Variants in ITPR2 observed in about 807,000 individuals in gnomAD.
The protein encoded by ITPR2 is inositol 1,4,5-trisphosphate receptor type 2, also known as inositol 1,4,5-trisphosphate-gated calcium channel ITPR2.
Under a neutral mutation model 317.1 loss-of-function variants are expected in ITPR2, and 207 were observed. The ratio of observed to expected loss-of-function variants is 0.65; its 90% CI spans 0.58 to 0.73. The LOEUF is 0.73. ITPR2 is among the 30% of genes least tolerant of loss of function. The pLI, the probability that ITPR2 is intolerant of heterozygous loss-of-function variation, is 0.00. For missense variants in ITPR2, 2,613 were observed against 3,284.0 expected, an observed-to-expected ratio of 0.80 and a Z score of 4.99; for synonymous variants, 1,156 against 1,149.1, an observed-to-expected ratio of 1.01 and a Z score of -0.12.
At chr12:26,622,435 C>CTCCT in intron 24 of ITPR2, 30 bp from the exon 25 acceptor site, 1 of 1,537,258 alleles carries the variant, frequency 6.5e-7, no homozygotes, top group Non-Finnish European at 8.8e-7. Flanking sequence ...TCTAAAGTGA[C>CTCCT]TCCTATTTAT....
At chr12:26,668,618 T>A (rs548786609) in intron 13 of ITPR2, among the ~76,000 whole-genome samples, 3 of 152,296 alleles carry the variant, frequency 2.0e-5, no homozygotes, top group East Asian at 3.9e-4. Context: ...AAGCTGACAT[T>A]GAGGAAGATA....
At chr12:26,751,227 C>T (rs926944300) in intron 2 of ITPR2, among the ~76,000 whole-genome samples, 2 of 152,050 alleles carry the variant, frequency 1.3e-5, no homozygotes, top group Admixed American at 6.6e-5. Flanking sequence ...AAGTGTGTAT[C>T]GATTATGCTT....
intron 1 of ITPR2, among the ~76,000 whole-genome samples, chr12:26,802,462 A>C (rs1950571755): frequency 6.6e-6 from 1 of 152,006 alleles, no homozygotes. Context: ...AGCCTGGGCC[A>C]CATAGTGAGA....
chr12:26,719,873 T>C (rs930540117), intron 5 of ITPR2, among the ~76,000 whole-genome samples: 1 of 152,188 alleles, frequency 6.6e-6, no homozygotes, highest in African/African-American at 2.4e-5. Flanking sequence ...TTAAAGAATA[T>C]CTGACCTTTA....
chr12:26,497,047 T>C (rs1942949112), intron 37 of ITPR2, among the ~76,000 whole-genome samples: 5 of 123,770 alleles, frequency 4.0e-5, no homozygotes. Context: ...TGATTTGAAA[T>C]GTCAAATGAC....
At chr12:26,369,672 A>G (rs1939125291) in intron 55 of ITPR2, among the ~76,000 whole-genome samples, 2 of 151,942 alleles carry the variant, frequency 1.3e-5, no homozygotes, top group South Asian at 4.2e-4. Flanking sequence ...AGATTCTAAA[A>G]CCCCTGGAGT....
chr12:26,753,972 G>A (rs369799384), intron 2 of ITPR2, among the ~76,000 whole-genome samples: 16 of 152,102 alleles, frequency 1.1e-4, no homozygotes, highest in African/African-American at 3.9e-4. Context: ...CAAGCTTAGG[G>A]GATAAGTCCT....
At chr12:26,577,885 T>C (rs1945313084) in intron 34 of ITPR2, among the ~76,000 whole-genome samples, 1 of 152,230 alleles carries the variant, frequency 6.6e-6, no homozygotes. Flanking sequence ...TAAAACTCTC[T>C]GTTTTCTTAA....
intron 37 of ITPR2, among the ~76,000 whole-genome samples, chr12:26,542,988 T>C (rs766616476): frequency 7.2e-5 from 11 of 152,222 alleles, no homozygotes; most frequent in Non-Finnish European, 1.5e-4. Context: ...ATACTTAGGA[T>C]TGGAGTTGAC....
chr12:26,628,462 C>T (rs374562410), intron 22 of ITPR2, among the ~76,000 whole-genome samples: 5 of 152,290 alleles, frequency 3.3e-5, no homozygotes, highest in South Asian at 2.1e-4. Flanking sequence ...GTAATGATGA[C>T]GTCATTTTAC....
chr12:26,768,584 A>AC (rs367890941), intron 2 of ITPR2, among the ~76,000 whole-genome samples: 29,158 of 113,872 alleles, frequency 0.26, 3,874 homozygotes, highest in Non-Finnish European at 0.4. Context: ...AAAAAAAAAA[A>AC]AAAAAAAAAA....
chr12:26,396,921 A>G (rs1940017866), intron 54 of ITPR2, among the ~76,000 whole-genome samples: 1 of 152,132 alleles, frequency 6.6e-6, no homozygotes, highest in Non-Finnish European at 1.5e-5. Context: ...TAAAGATTTT[A>G]TCTCCTAAAT....
intron 1 of ITPR2, among the ~76,000 whole-genome samples, chr12:26,803,863 G>A (rs887164334): frequency 6.6e-6 from 1 of 151,930 alleles, no homozygotes; most frequent in African/African-American, 2.4e-5. Flanking sequence ...GAAAAACCTC[G>A]GGCAACTGTA....
rs994558061 is a variant in ITPR2, at chr12:26,832,789, C to T, written c.-8G>A. On this transcript the variant is annotated 5_prime_UTR_variant, in exon 1 of 57. The change abolishes an upstream ATG in the 5' untranslated region. Coordinates refer to ENST00000381340, the MANE Select transcript of ITPR2 (RefSeq NM_002223.4). ...GGACATTTTCTCAGTCATGCTGCTT[C>T]ATGTTCCACAGTGGACGTCCCTCTT... 12 of 1,593,772 alleles carry T rather than the reference C, an allele frequency of 7.5e-6. No individual in the cohort carries two copies. Among genetic ancestry groups the T allele is most frequent in the African/African-American group, 1.4e-5 (1 of 72,720 alleles).
intron 24 of ITPR2, among the ~76,000 whole-genome samples, chr12:26,623,939 G>C (rs1466625552): frequency 6.6e-6 from 1 of 152,074 alleles, no homozygotes; most frequent in African/African-American, 2.4e-5. Flanking sequence ...TTACTTTCTT[G>C]CCTCAAATAT....
At chr12:26,621,854 T>C (rs557774808) in intron 25 of ITPR2, among the ~76,000 whole-genome samples, 1 of 152,312 alleles carries the variant, frequency 6.6e-6, no homozygotes, top group Admixed American at 6.5e-5. Flanking sequence ...AACAGTTCGT[T>C]TTTTTGGATT....
intron 55 of ITPR2, among the ~76,000 whole-genome samples, chr12:26,378,024 T>C (rs1297519626): frequency 1.3e-5 from 2 of 152,084 alleles, no homozygotes; most frequent in Non-Finnish European, 2.9e-5. Flanking sequence ...TGGCTCTATA[T>C]CTTATTTATT....
At chr12:26,804,194 T>C (rs1950604505) in intron 1 of ITPR2, among the ~76,000 whole-genome samples, 1 of 152,108 alleles carries the variant, frequency 6.6e-6, no homozygotes, top group South Asian at 2.1e-4. Context: ...CTTCCAACGT[T>C]TAACATTGGC....
chr12:26,419,389 A>G, intron 49 of ITPR2, 176 bp from the exon 50 acceptor site: 1 of 580,838 alleles, frequency 1.7e-6, no homozygotes, highest in South Asian at 2.7e-5. Flanking sequence ...GACTTTTTTC[A>G]TAATTTCTCA....
Sources: gnomAD v4.1 joint callset for allele counts (sites outside exome capture counted in the v4.1 genomes callset) on GRCh38, gnomAD v4.1.1 for gene constraint, MANE v1.5 for transcripts, NCBI Gene and HGNC (gene_info 2026-07-23, HGNC 2026-07-21) for gene names.